Variants in PTK2 observed in about 807,000 individuals in gnomAD.
The protein encoded by PTK2 is focal adhesion kinase 1.
In PTK2, 45 loss-of-function variants were observed where a neutral mutation model predicts 150.1. The ratio of observed to expected loss-of-function variants is 0.30; its 90% CI spans 0.24 to 0.38. The LOEUF (loss-of-function observed/expected upper bound fraction) is 0.38, where lower values mean the gene tolerates loss of function less well. Among genes scored for constraint, PTK2 ranks in the 10% least tolerant of loss-of-function variants. The probability of loss-of-function intolerance (pLI) is 1.00; values close to 1 mark genes in which losing one functional copy is unlikely to be tolerated. For synonymous variants in PTK2, 432 were observed against 449.2 expected (o/e 0.96, Z 0.48); for missense variants, 919 against 1,307.3 (o/e 0.70, Z 4.58).
intron 14 of PTK2, among the ~76,000 whole-genome samples, chr8:140,783,884 C>T (rs780097908): frequency 3.3e-5 from 5 of 152,094 alleles, no homozygotes; most frequent in Non-Finnish European, 5.9e-5. Context: ...AAGGGCCAGG[C>T]GTGGTGGCTC....
chr8:140,720,417 TA>T (rs369703556), intron 22 of PTK2, among the ~76,000 whole-genome samples: 12 of 148,100 alleles, frequency 8.1e-5, no homozygotes, highest in South Asian at 2.2e-4. Flanking sequence ...CATTAGTGGT[TA>T]AAAAAAAAAC....
chr8:140,882,553 A>C (rs564835050), intron 3 of PTK2, among the ~76,000 whole-genome samples: 2 of 152,332 alleles, frequency 1.3e-5, no homozygotes, highest in Admixed American at 1.3e-4. Flanking sequence ...TCAGAAATAC[A>C]CAACTTTTCT....
intron 2 of PTK2, among the ~76,000 whole-genome samples, chr8:140,895,810 AT>A (rs2100155965): frequency 6.6e-6 from 1 of 152,212 alleles, no homozygotes; most frequent in Non-Finnish European, 1.5e-5. Flanking sequence ...GTATGCCTAT[AT>A]CAAAACGTCT....
intron 1 of PTK2, among the ~76,000 whole-genome samples, chr8:140,983,380 CAAAAA>C (rs34040387): frequency 2.5e-5 from 2 of 78,538 alleles, no homozygotes; most frequent in African/African-American, 4.9e-5. Flanking sequence ...GACTCCATCT[CAAAAA>C]AAAAAAAAAA....
At chr8:140,998,727 G>A (rs796088708) in intron 1 of PTK2, among the ~76,000 whole-genome samples, 2 of 150,982 alleles carry the variant, frequency 1.3e-5, no homozygotes, top group African/African-American at 4.9e-5. Flanking sequence ...GCTGAAGCAG[G>A]AGAATGGCAT....
chr8:140,779,253 A>G (rs540926342), intron 14 of PTK2, among the ~76,000 whole-genome samples: 146 of 104,478 alleles, frequency 1.4e-3, no homozygotes, highest in African/African-American at 4.8e-3. Context: ...TGGAAAAAAA[A>G]AAAAAAGAAA....
chr8:140,977,338 T>A (rs776345714), intron 1 of PTK2, among the ~76,000 whole-genome samples: 1 of 152,142 alleles, frequency 6.6e-6, no homozygotes, highest in Non-Finnish European at 1.5e-5. Flanking sequence ...GACTGCAGTG[T>A]GCAGCATGGG....
chr8:140,721,428 G>A (rs1315637458), intron 22 of PTK2, among the ~76,000 whole-genome samples: 1 of 152,080 alleles, frequency 6.6e-6, no homozygotes, highest in African/African-American at 2.4e-5. Flanking sequence ...TTTGGTATGA[G>A]GTAATATAGC....
At chr8:140,998,320 T>TA (rs1386888736) in intron 1 of PTK2, among the ~76,000 whole-genome samples, 2 of 152,168 alleles carry the variant, frequency 1.3e-5, no homozygotes, top group African/African-American at 4.8e-5. Context: ...AATTATTTTC[T>TA]AAAAATTAAG....
chr8:140,912,150 G>A (rs1414731951), intron 2 of PTK2, among the ~76,000 whole-genome samples: 2 of 152,102 alleles, frequency 1.3e-5, no homozygotes, highest in Admixed American at 1.3e-4. Context: ...GGCTGAGGCA[G>A]GAGGACTGCT....
At chr8:141,001,095 C>T (rs985309223) in intron 1 of PTK2, 30 bp downstream of exon 1, 2 of 151,464 alleles carry the variant, frequency 1.3e-5, no homozygotes, top group Non-Finnish European at 3.0e-5. Flanking sequence ...GCCCCCGACC[C>T]GCGCCCCGCG....
At chr8:140,739,131 A>T in intron 20 of PTK2, 24 bp from the exon 24 acceptor site, 3 of 1,464,150 alleles carry the variant, frequency 2.0e-6, no homozygotes, top group Non-Finnish European at 2.8e-6. Flanking sequence ...TTTAGAAAAT[A>T]AATTTTCCTT....
intron 1 of PTK2, among the ~76,000 whole-genome samples, chr8:140,946,142 A>C (rs1476460655): frequency 6.6e-6 from 1 of 152,152 alleles, no homozygotes; most frequent in Non-Finnish European, 1.5e-5. Flanking sequence ...GACTGCATGG[A>C]AACTAATTGA....
intron 26 of PTK2, among the ~76,000 whole-genome samples, chr8:140,699,859 C>T (rs2100029186): frequency 6.6e-6 from 1 of 151,450 alleles, no homozygotes; most frequent in African/African-American, 2.4e-5. Flanking sequence ...CCCAGGGTCT[C>T]TCTAGATCTC....
chr8:140,840,991 G>C (rs2100121989), intron 7 of PTK2, among the ~76,000 whole-genome samples: 1 of 152,106 alleles, frequency 6.6e-6, no homozygotes, highest in African/African-American at 2.4e-5. Context: ...GCATAGAGAA[G>C]ATCACTACAT....
chr8:140,997,519 G>T (rs1434722756), intron 1 of PTK2, among the ~76,000 whole-genome samples: 2 of 152,228 alleles, frequency 1.3e-5, no homozygotes, highest in Non-Finnish European at 2.9e-5. Flanking sequence ...GAAACTGCCT[G>T]ACATCTCAGC....
intron 26 of PTK2, among the ~76,000 whole-genome samples, chr8:140,698,128 C>G (rs1021007500): frequency 3.3e-5 from 5 of 152,096 alleles, no homozygotes; most frequent in Admixed American, 2.0e-4. Context: ...TGCTGCCTCC[C>G]CCAAGTCCCC....
At chr8:140,931,920 C>A (rs1434487326) in intron 1 of PTK2, among the ~76,000 whole-genome samples, 1 of 126,582 alleles carries the variant, frequency 7.9e-6, no homozygotes, top group Non-Finnish European at 1.6e-5. Context: ...GCGACAGAGA[C>A]CCAGTCTCAA....
At position 140,773,094 on chromosome 8, in the gene PTK2, G is replaced by T. The variant is rs547703936; in HGVS notation, c.1178-8804C>A. On this transcript the variant is annotated intron_variant, in intron 14 of 31. Coordinates refer to ENST00000522684, the Ensembl canonical transcript of PTK2. ...TGCTAGCTCTTCTTACTTTTCTACT[G>T]TTCATTTCTAAACTGGACTGAATAT... Among the ~76,000 whole-genome samples the T allele has an allele frequency of 2.0e-5, 3 of 152,270 alleles. No homozygotes were observed. In the South Asian group the frequency reaches 6.2e-4, roughly 32 times the overall value.
Sources: gnomAD v4.1 joint callset for allele counts (sites outside exome capture counted in the v4.1 genomes callset) on GRCh38, gnomAD v4.1.1 for gene constraint, MANE v1.5 for transcripts, NCBI Gene and HGNC (gene_info 2026-07-23, HGNC 2026-07-21) for gene names.